The following MAD1L1 variants were observed in gnomAD, a reference collection of about 807,000 sequenced individuals.
The protein encoded by MAD1L1 is mitotic spindle assembly checkpoint protein MAD1.
In MAD1L1, 95 loss-of-function variants were observed where a neutral mutation model predicts 96.9. The ratio of observed to expected loss-of-function variants is 0.98; its 90% CI spans 0.83 to 1.16. MAD1L1 has a LOEUF of 1.16. Among genes scored for constraint, MAD1L1 ranks in the 50% most tolerant of loss-of-function variants. The probability of loss-of-function intolerance (pLI) is 0.00; values close to 1 mark genes in which losing one functional copy is unlikely to be tolerated. For synonymous variants in MAD1L1, 473 were observed against 396.6 expected, an observed-to-expected ratio of 1.19 and a Z score of -2.29; for missense variants, 1,007 against 954.4, an observed-to-expected ratio of 1.06 and a Z score of -0.73.
chr7:1,864,049 C>T (rs1244849813), intron 18 of MAD1L1, among the ~76,000 whole-genome samples: 1 of 152,136 alleles, frequency 6.6e-6, no homozygotes, highest in Non-Finnish European at 1.5e-5. Flanking sequence ...GCCGAGATCG[C>T]GCCACTGCAC....
At chr7:1,953,792 G>C (rs1476494608) in intron 16 of MAD1L1, among the ~76,000 whole-genome samples, 4 of 152,254 alleles carry the variant, frequency 2.6e-5, no homozygotes, top group Admixed American at 2.6e-4. Flanking sequence ...AAACCCAACA[G>C]GGTTGAGTCT....
chr7:2,207,135 T>C (rs1792639707), intron 10 of MAD1L1, among the ~76,000 whole-genome samples: 1 of 152,038 alleles, frequency 6.6e-6, no homozygotes, highest in Admixed American at 6.6e-5. Flanking sequence ...TGCTGGGGCT[T>C]TGATTGGGAC....
intron 16 of MAD1L1, among the ~76,000 whole-genome samples, chr7:1,944,978 G>C (rs1476522513): frequency 6.6e-6 from 1 of 152,234 alleles, no homozygotes; most frequent in African/African-American, 2.4e-5. Context: ...GCCACCAAGG[G>C]AGCCGGAAGC....
chr7:2,163,659 C>T (rs901537776), intron 10 of MAD1L1, among the ~76,000 whole-genome samples: 1 of 152,158 alleles, frequency 6.6e-6, no homozygotes, highest in Non-Finnish European at 1.5e-5. Flanking sequence ...AGGCGTGAGC[C>T]ACAGAAGCAC....
chr7:2,207,838 C>T (rs1275697209), intron 10 of MAD1L1, among the ~76,000 whole-genome samples: 2 of 152,032 alleles, frequency 1.3e-5, no homozygotes, highest in Non-Finnish European at 2.9e-5. Context: ...GCAGAGATGC[C>T]GGCCTACTAC....
chr7:1,876,310 G>A (rs1338764113), intron 18 of MAD1L1, among the ~76,000 whole-genome samples: 4 of 151,950 alleles, frequency 2.6e-5, no homozygotes, highest in Admixed American at 2.0e-4. Context: ...GCAGCCCAAG[G>A]TCCCGAGCCC....
At chr7:1,937,026 C>T (rs1424718654) in intron 16 of MAD1L1, 129 bp from the exon 17 acceptor site, 1 of 724,404 alleles carries the variant, frequency 1.4e-6, no homozygotes, top group Admixed American at 2.8e-5. Flanking sequence ...GTGCTCAGTT[C>T]TTTTGTCTTC....
chr7:1,898,822 G>A (rs1026165057), intron 17 of MAD1L1, among the ~76,000 whole-genome samples: 2 of 152,174 alleles, frequency 1.3e-5, no homozygotes, highest in Non-Finnish European at 2.9e-5. Flanking sequence ...GGCGAGAACC[G>A]CGTGAGGAGC....
chr7:2,051,130 G>C (rs1429598139), intron 12 of MAD1L1, among the ~76,000 whole-genome samples: 2 of 152,226 alleles, frequency 1.3e-5, no homozygotes, highest in Non-Finnish European at 2.9e-5. Context: ...AGCCTGGGTA[G>C]GCAGGACAAG....
intron 11 of MAD1L1, among the ~76,000 whole-genome samples, chr7:2,086,609 C>T (rs151296303): frequency 5.7e-4 from 87 of 152,376 alleles, no homozygotes; most frequent in African/African-American, 2.0e-3. Context: ...AGCTGGAGTG[C>T]AATGGCACGC....
chr7:1,851,296 G>A (rs1379412241), intron 18 of MAD1L1, among the ~76,000 whole-genome samples: 1 of 152,248 alleles, frequency 6.6e-6, no homozygotes, highest in Non-Finnish European at 1.5e-5. Context: ...GGCCGGCACA[G>A]GGTTGGGGGC....
chr7:1,825,212 C>T (rs1381881113), intron 18 of MAD1L1, among the ~76,000 whole-genome samples: 2 of 152,232 alleles, frequency 1.3e-5, no homozygotes, highest in East Asian at 1.9e-4. Context: ...AGCCCCAATC[C>T]TTATCCACCT....
intron 12 of MAD1L1, among the ~76,000 whole-genome samples, chr7:2,066,269 C>G (rs1784870973): frequency 6.6e-6 from 1 of 152,228 alleles, no homozygotes; most frequent in Admixed American, 6.5e-5. Flanking sequence ...ACCACCCCAG[C>G]TGGGCGGGCT....
intron 12 of MAD1L1, among the ~76,000 whole-genome samples, chr7:2,057,915 C>G (rs1053665391): frequency 1.3e-5 from 2 of 152,230 alleles, no homozygotes; most frequent in African/African-American, 4.8e-5. Flanking sequence ...TGTCATCATT[C>G]CTCCATGACA....
chr7:2,105,658 T>C (rs1332470024), intron 11 of MAD1L1, among the ~76,000 whole-genome samples: 1 of 152,036 alleles, frequency 6.6e-6, no homozygotes, highest in Non-Finnish European at 1.5e-5. Context: ...AAATGGGGCC[T>C]CTCTCACCAC....
chr7:2,180,336 A>G (rs1791144137), intron 10 of MAD1L1, among the ~76,000 whole-genome samples: 1 of 152,270 alleles, frequency 6.6e-6, no homozygotes, highest in South Asian at 2.1e-4. Context: ...GGAGCTCCTC[A>G]TCAAGGACTC....
At chr7:2,039,131 C>A (rs188129641) in intron 12 of MAD1L1, among the ~76,000 whole-genome samples, 1 of 152,332 alleles carries the variant, frequency 6.6e-6, no homozygotes, top group Non-Finnish European at 1.5e-5. Flanking sequence ...CAGCACACGA[C>A]CTTCAGGGAC....
chr7:1,966,889 C>A (rs1256047898), intron 15 of MAD1L1, among the ~76,000 whole-genome samples: 1 of 152,244 alleles, frequency 6.6e-6, no homozygotes, highest in Non-Finnish European at 1.5e-5. Flanking sequence ...AAGACGGACC[C>A]ACCCGAGGGA....
At chr7:2,102,376 T>TCACCATCACCAC (rs1393280502) in intron 11 of MAD1L1, among the ~76,000 whole-genome samples, 1 of 137,126 alleles carries the variant, frequency 7.3e-6, no homozygotes, top group East Asian at 2.2e-4. Flanking sequence ...ATCACCACCG[T>TCACCATCACCAC]CACCATCACC....
Sources: gnomAD v4.1 joint callset for allele counts (sites outside exome capture counted in the v4.1 genomes callset) on GRCh38, gnomAD v4.1.1 for gene constraint, MANE v1.5 for transcripts, NCBI Gene and HGNC (gene_info 2026-07-23, HGNC 2026-07-21) for gene names.